The following TDRD12 variants were observed in gnomAD, a reference collection of about 807,000 sequenced individuals.
TDRD12 encodes putative ATP-dependent RNA helicase TDRD12.
A neutral mutation model predicts 133.5 loss-of-function variants in TDRD12; 158 were observed. The observed-to-expected ratio is 1.18, with a 90% CI of 1.04 to 1.35. TDRD12 has a LOEUF of 1.35. Ranked by LOEUF, TDRD12 falls within the 40% of genes most tolerant of loss-of-function variation. The pLI is 0.00. For missense variants in TDRD12, 1,443 were observed against 1,321.3 expected, an observed-to-expected ratio of 1.09 and a Z score of -1.43; for synonymous variants, 460 against 477.9, an observed-to-expected ratio of 0.96 and a Z score of 0.49.
intron 15 of TDRD12, 138 bp downstream of exon 15, chr19:32,798,029 C>T: frequency 1.7e-6 from 1 of 593,482 alleles, no homozygotes; most frequent in South Asian, 2.1e-5. Flanking sequence ...GTCACTAGTC[C>T]AGACCTACTT....
In TDRD12 at chr19:32,807,668, C is replaced by G; in HGVS notation, c.2652+20C>G. 6.9e-7 allele frequency: 1 copy of G among 1,454,748 alleles called. No homozygotes were observed. The highest frequency in any genetic ancestry group is 9.2e-7 in the Non-Finnish European group (1 of 1,083,216). The allele number at this position is 1,454,748 out of a possible 1,614,324, so 90.1% of individuals were successfully genotyped here. A position where few individuals can be genotyped will look rare whatever the true frequency, so the allele number is the denominator to read the frequency against. ...ATTAAAGTAGGTTTGGTTAAAGATGCTTGTGTCCTCTGACGAATGGTCATG... is the reference window on the plus strand; with the variant it reads ...ATTAAAGTAGGTTTGGTTAAAGATGGTTGTGTCCTCTGACGAATGGTCATG... On this transcript the variant is annotated intron_variant, in intron 22 of 27. Coordinates refer to ENST00000444215, the Ensembl canonical transcript of TDRD12.
At chr19:32,776,525 A>G (rs1272285990) in intron 10 of TDRD12, among the ~76,000 whole-genome samples, 1 of 152,190 alleles carries the variant, frequency 6.6e-6, no homozygotes, top group Non-Finnish European at 1.5e-5. Context: ...TCTCTCCTGG[A>G]GATTCTGGCG....
rs758527099 is a variant in TDRD12 at position 32,790,946 on chromosome 19, A to G, written c.1183-18A>G. 23 of 1,533,322 alleles carry G rather than the reference A, an allele frequency of 1.5e-5. No individual in the cohort carries two copies. The African/African-American group carries it at 2.9e-4, about 19-fold the overall frequency. The allele number at this position is 1,533,322 out of a possible 1,614,324, so 95.0% of individuals were successfully genotyped here. On this transcript the variant is annotated intron_variant, in intron 12 of 27. Transcript: ENST00000444215. Reference sequence around the variant, plus strand: ...CCTCAGGGCAGACACTGGTTGTCTAATGCACACGTTCTCTCAGTTGCAGAA... The same window carrying G: ...CCTCAGGGCAGACACTGGTTGTCTAGTGCACACGTTCTCTCAGTTGCAGAA...
chr19:32,813,807 T>C (rs8111278), intron 25 of TDRD12, 31 bp downstream of exon 25: 437,113 of 1,016,060 alleles, frequency 0.43, 77,261 homozygotes, highest in East Asian at 0.72. Context: ...AGAAATAAAT[T>C]TGTTTGAATG....
intron 26 of TDRD12, 49 bp downstream of exon 26, chr19:32,815,669 C>A: frequency 6.7e-7 from 1 of 1,483,706 alleles, no homozygotes; most frequent in Non-Finnish European, 9.0e-7. Context: ...TTTGGAAATA[C>A]AACTCACAAG....
intron 6 of TDRD12, among the ~76,000 whole-genome samples, chr19:32,751,379 G>T (rs1007452956): frequency 6.6e-6 from 1 of 152,074 alleles, no homozygotes; most frequent in African/African-American, 2.4e-5. Context: ...TGTTTGCCAG[G>T]TTTTTCCTGT....
chr19:32,819,688 C>T (rs1436139240), intron 27 of TDRD12, among the ~76,000 whole-genome samples: 1 of 152,092 alleles, frequency 6.6e-6, no homozygotes, highest in East Asian at 1.9e-4. Flanking sequence ...TAGAAGAGAC[C>T]CCATATCAGA....
chr19:32,772,927 C>A, intron 9 of TDRD12, 77 bp downstream of exon 9: 2 of 764,508 alleles, frequency 2.6e-6, no homozygotes, highest in Non-Finnish European at 3.8e-6. Flanking sequence ...TGAAATCTAT[C>A]TGAAACCAAA....
exon 19 of TDRD12, chr19:32,801,767 C>A: frequency 1.5e-6 from 2 of 1,372,280 alleles, no homozygotes; most frequent in South Asian, 1.3e-5. Flanking sequence ...TAGTAGAAAG[C>A]AGTTCAATAT....
exon 20 of TDRD12, chr19:32,802,702 G>C (rs1390100076): frequency 2.0e-6 from 3 of 1,536,146 alleles, no homozygotes; most frequent in Admixed American, 2.0e-5. Flanking sequence ...CCGATGCCAC[G>C]TGTGTGATTC....
At chr19:32,754,604 C>G (rs562573808) in intron 6 of TDRD12, among the ~76,000 whole-genome samples, 1 of 143,044 alleles carries the variant, frequency 7.0e-6, no homozygotes, top group African/African-American at 2.5e-5. Flanking sequence ...AACTTGCTTT[C>G]TTCTTGCTTT....
intron 11 of TDRD12, among the ~76,000 whole-genome samples, chr19:32,783,154 A>C (rs1404469032): frequency 6.6e-6 from 1 of 152,152 alleles, no homozygotes; most frequent in Non-Finnish European, 1.5e-5. Context: ...GGTGTAAGGA[A>C]GGGGTCCAGT....
At chr19:32,752,020 A>G (rs117848060) in intron 6 of TDRD12, among the ~76,000 whole-genome samples, 5,680 of 150,836 alleles carry the variant, frequency 0.038, 213 homozygotes, top group East Asian at 0.24. Context: ...ATTACAGGCA[A>G]GCATCATCAC....
chr19:32,760,201 C>T (rs1970112074), intron 8 of TDRD12, among the ~76,000 whole-genome samples: 1 of 152,116 alleles, frequency 6.6e-6, no homozygotes, highest in Non-Finnish European at 1.5e-5. Flanking sequence ...CTGCTTATTA[C>T]AATCAGTACT....
intron 4 of TDRD12, among the ~76,000 whole-genome samples, chr19:32,746,740 G>A (rs1305590839): frequency 6.7e-6 from 1 of 149,022 alleles, no homozygotes; most frequent in African/African-American, 2.5e-5. Flanking sequence ...TGGTTATTCT[G>A]TGTGTGAGAG....
At chr19:32,802,174 TC>T (rs1971414067) in intron 19 of TDRD12, among the ~76,000 whole-genome samples, 1 of 143,698 alleles carries the variant, frequency 7.0e-6, no homozygotes, top group South Asian at 2.1e-4. Context: ...ATAATATATA[TC>T]ATATATATGA....
intron 8 of TDRD12, among the ~76,000 whole-genome samples, chr19:32,769,856 G>T (rs2868189): frequency 6.6e-6 from 1 of 151,804 alleles, no homozygotes; most frequent in South Asian, 2.1e-4. Context: ...GGCTGGTCTC[G>T]AACTCCCGAC....
intron 25 of TDRD12, 60 bp from the exon 26 acceptor site, chr19:32,815,388 A>C: frequency 7.2e-7 from 1 of 1,395,872 alleles, no homozygotes; most frequent in South Asian, 1.3e-5. Context: ...GGGAATGTCT[A>C]TGCTTCAGTT....
chr19:32,749,709 G>A (rs1969765693), intron 5 of TDRD12, 75 bp from the exon 6 acceptor site: 1 of 1,160,726 alleles, frequency 8.6e-7, no homozygotes, highest in Admixed American at 2.1e-5. Context: ...GAGGTTACTA[G>A]GTGGGAAATC....
Sources: gnomAD v4.1 joint callset for allele counts (sites outside exome capture counted in the v4.1 genomes callset) on GRCh38, gnomAD v4.1.1 for gene constraint, MANE v1.5 for transcripts, NCBI Gene and HGNC (gene_info 2026-07-23, HGNC 2026-07-21) for gene names.